Variants in TOM1L1 observed in about 807,000 individuals in gnomAD.
TOM1L1 encodes TOM1-like protein 1.
A neutral mutation model predicts 63.4 loss-of-function variants in TOM1L1; 64 were observed. That is an observed-to-expected ratio of 1.01 (90% CI 0.83 to 1.24). The LOEUF (loss-of-function observed/expected upper bound fraction) is 1.24. TOM1L1 is among the 50% of genes most tolerant of loss of function. The probability of loss-of-function intolerance (pLI) is 0.00; values close to 1 mark genes in which losing one functional copy is unlikely to be tolerated. For missense variants in TOM1L1, 536 were observed against 567.0 expected (o/e 0.95, Z 0.55); for synonymous variants, 166 against 194.4 (o/e 0.85, Z 1.22).
At chr17:54,942,540 A>C (rs2143923944) in intron 11 of TOM1L1, 1 of 152,338 alleles carries the variant, frequency 6.6e-6, no homozygotes, top group East Asian at 1.9e-4. Context: ...ACCAAGGCTG[A>C]GGAAGATTAA....
intron 3 of TOM1L1, among the ~76,000 whole-genome samples, chr17:54,911,986 T>C (rs2048504512): frequency 6.6e-6 from 1 of 152,130 alleles, no homozygotes; most frequent in Non-Finnish European, 1.5e-5. Flanking sequence ...TGTCCCCAAT[T>C]TACCTATATC....
rs1211790419 is a variant in TOM1L1 at position 54,960,547 on chromosome 17, T to C, written c.1371-19T>C. ...TGAAATTGATACATAACCCTTTTGC[T>C]GTGATGGCTTTGTTTCAGAGCTATT... On this transcript the variant is annotated intron_variant, in intron 14 of 15. Transcript: ENST00000575882. 11 of 1,607,934 alleles carry C rather than the reference T, an allele frequency of 6.8e-6. No homozygotes were observed. The highest frequency in any genetic ancestry group is 1.1e-5 in the South Asian group (1 of 90,938).
intron 9 of TOM1L1, 98 bp from the exon 10 acceptor site, chr17:54,937,011 C>T (rs901463198): frequency 8.8e-5 from 88 of 1,005,312 alleles, no homozygotes; most frequent in Non-Finnish European, 1.0e-4. Flanking sequence ...CCTTAAAATG[C>T]ATCCAAATAG....
At chr17:54,931,786 G>C (rs1188746131) in intron 8 of TOM1L1, among the ~76,000 whole-genome samples, 3 of 151,962 alleles carry the variant, frequency 2.0e-5, no homozygotes, top group Non-Finnish European at 4.4e-5. Context: ...CTGGGTGACA[G>C]AGTGAGACCC....
intron 7 of TOM1L1, among the ~76,000 whole-genome samples, chr17:54,921,827 TAG>T (rs370029018): frequency 1.3e-5 from 2 of 152,292 alleles, no homozygotes; most frequent in African/African-American, 4.8e-5. Context: ...CCCCACAGTG[TAG>T]TTGAAAATTC....
intron 7 of TOM1L1, among the ~76,000 whole-genome samples, chr17:54,919,948 A>C (rs1291953115): frequency 6.6e-6 from 1 of 152,028 alleles, no homozygotes; most frequent in African/African-American, 2.4e-5. Flanking sequence ...GAAATAGAGA[A>C]TTCTTTTTTT....
chr17:54,933,083 C>G (rs1177750086), intron 8 of TOM1L1, among the ~76,000 whole-genome samples: 1 of 152,230 alleles, frequency 6.6e-6, no homozygotes, highest in Non-Finnish European at 1.5e-5. Flanking sequence ...CTAGTTTTCT[C>G]TGGCTGCTGT....
chr17:54,912,908 T>C, intron 4 of TOM1L1, 93 bp downstream of exon 4: 2 of 1,139,754 alleles, frequency 1.8e-6, no homozygotes, highest in Middle Eastern at 3.2e-4. Context: ...CTTTTATATA[T>C]CTAGGATTGA....
intron 11 of TOM1L1, among the ~76,000 whole-genome samples, chr17:54,945,590 T>G (rs2049105071): frequency 1.3e-5 from 2 of 152,218 alleles, no homozygotes; most frequent in African/African-American, 4.8e-5. Flanking sequence ...CTGTTTAGAT[T>G]GGACACTTTC....
At chr17:54,929,534 A>C (rs1009489419) in intron 7 of TOM1L1, among the ~76,000 whole-genome samples, 2 of 152,232 alleles carry the variant, frequency 1.3e-5, no homozygotes, top group Non-Finnish European at 1.5e-5. Flanking sequence ...ACAACGTAAC[A>C]GGAAATAAAA....
intron 11 of TOM1L1, among the ~76,000 whole-genome samples, chr17:54,940,267 A>G (rs2143912692): frequency 6.6e-6 from 1 of 152,308 alleles, no homozygotes; most frequent in Middle Eastern, 3.4e-3. Flanking sequence ...ATGATGTTCA[A>G]CTTTACTTAT....
At position 54,950,027 on chromosome 17, in the gene TOM1L1, CTCTT is replaced by C. The variant is rs775954077; in HGVS notation, c.1289-16_1289-13del. ...CAAAAAGCACAATATGTTTACTGGTCTCTTTTTTTGCCCAAAGCGATGACAAAAA... is the reference window on the plus strand; with the variant it reads ...CAAAAAGCACAATATGTTTACTGGTCTTTTTGCCCAAAGCGATGACAAAAA... On this transcript the variant is annotated splice_polypyrimidine_tract_variant and intron_variant, in intron 13 of 15. Transcript: ENST00000575882. 2,091 of 1,605,438 alleles carry C rather than the reference CTCTT, an allele frequency of 1.3e-3. 3 individuals carry two copies. The highest frequency in any genetic ancestry group is 1.8e-3 in the East Asian group (79 of 44,814).
chr17:54,959,330 G>C (rs2077047649), intron 14 of TOM1L1: 1 of 152,070 alleles, frequency 6.6e-6, no homozygotes, highest in African/African-American at 2.4e-5. Context: ...AGAATTGAAT[G>C]GGCCTGGCAT....
intron 14 of TOM1L1, chr17:54,954,457 G>A (rs2049390549): frequency 2.0e-5 from 3 of 152,278 alleles, no homozygotes; most frequent in Non-Finnish European, 1.5e-5. Context: ...GGTGCTCCCT[G>A]GCAAAGAAGA....
At chr17:54,938,438 G>A (rs1171530452) in intron 10 of TOM1L1, 1 of 147,710 alleles carries the variant, frequency 6.8e-6, no homozygotes, top group Admixed American at 7.2e-5. Context: ...AGGTTGTGGT[G>A]AGCCGAGATC....
chr17:54,941,497 G>C (rs1389709682), intron 11 of TOM1L1, among the ~76,000 whole-genome samples: 1 of 152,210 alleles, frequency 6.6e-6, no homozygotes, highest in African/African-American at 2.4e-5. Context: ...TACATGCAAT[G>C]CAAGTAAATG....
rs999537699 is a variant in TOM1L1, at chr17:54,901,255, G to T, written c.58+332G>T. 1.3e-5 allele frequency: 5 copies of T among 398,076 alleles called. No individual in the cohort carries two copies. The Admixed American group carries it at 1.8e-4, about 14-fold the overall frequency. The allele number at this position is 398,076 out of a possible 1,614,324, so 24.7% of individuals were successfully genotyped here. A position where few individuals can be genotyped will look rare whatever the true frequency, so the allele number is the denominator to read the frequency against. On this transcript the variant is annotated intron_variant, in intron 1 of 15. Transcript: ENST00000575882. ...CACCAGAAACTTCTCGGTAGGGGAA[G>T]TTATTCCTAAAGGCACATTCTCCAG...
intron 11 of TOM1L1, 118 bp from the exon 12 acceptor site, chr17:54,947,143 C>T (rs2049133108): frequency 1.1e-5 from 10 of 909,380 alleles, no homozygotes; most frequent in East Asian, 2.6e-5. Flanking sequence ...CAAAATGACA[C>T]TTTATGCAGT....
At chr17:54,904,641 T>G (rs909767244) in intron 2 of TOM1L1, among the ~76,000 whole-genome samples, 1 of 152,260 alleles carries the variant, frequency 6.6e-6, no homozygotes, top group South Asian at 2.1e-4. Context: ...TGCTATCGTT[T>G]GTTCTTAAAC....
Sources: gnomAD v4.1 joint callset for allele counts (sites outside exome capture counted in the v4.1 genomes callset) on GRCh38, gnomAD v4.1.1 for gene constraint, MANE v1.5 for transcripts, NCBI Gene and HGNC (gene_info 2026-07-23, HGNC 2026-07-21) for gene names.